The following WWP2 variants were observed in gnomAD, a reference collection of about 807,000 sequenced individuals.
The protein encoded by WWP2 is NEDD4-like E3 ubiquitin-protein ligase WWP2.
WWP2 carries 57 observed loss-of-function variants against 121.0 expected under a neutral mutation model. That is an observed-to-expected ratio of 0.47 (90% CI 0.38 to 0.59). The LOEUF is 0.59. WWP2 is among the 20% of genes least tolerant of loss of function. The pLI is 0.00. For synonymous variants in WWP2, 449 were observed against 441.3 expected (o/e 1.02, Z -0.22); for missense variants, 962 against 1,158.9 (o/e 0.83, Z 2.47).
At position 69,799,880 on chromosome 16, in the gene WWP2, G is replaced by A. The variant is rs943272812; in HGVS notation, c.340+585G>A. On this transcript the variant is annotated intron_variant, in intron 4 of 23. Transcript: ENST00000359154. This position sits in a 1 kb window ranked among gnomAD's most constrained non-coding sequence, Gnocchi z 4.5. The stretch of plus-strand genomic sequence containing the variant: ...ACATATAAATCCTCATCTATTTATT[G>A]CTGTTTGTGGTCAGTGGCATGGCCC... Among the ~76,000 whole-genome samples, 11 of 152,140 alleles carry A rather than the reference G, an allele frequency of 7.2e-5. No homozygotes were observed. Among genetic ancestry groups the A allele is most frequent in the Non-Finnish European group, 1.6e-4 (11 of 68,026 alleles).
At chr16:69,776,519 G>C (rs1298589694) in intron 1 of WWP2, among the ~76,000 whole-genome samples, 1 of 152,170 alleles carries the variant, frequency 6.6e-6, no homozygotes, top group African/African-American at 2.4e-5. Context: ...ACCTAGATGT[G>C]GGAAGTTTCT....
intron 8 of WWP2, among the ~76,000 whole-genome samples, chr16:69,906,971 T>C (rs1478923143): frequency 6.6e-6 from 1 of 152,234 alleles, no homozygotes; most frequent in African/African-American, 2.4e-5. Context: ...AAAATATTTG[T>C]CAATGACACA....
chr16:69,823,475 G>GTT (rs574763691), intron 4 of WWP2, among the ~76,000 whole-genome samples: 5 of 143,596 alleles, frequency 3.5e-5, no homozygotes, highest in Admixed American at 7.0e-5. Context: ...TTTTTCTTGT[G>GTT]TTTTTTTTTT....
intron 8 of WWP2, among the ~76,000 whole-genome samples, chr16:69,896,727 ATTTTTTT>A (rs377065935): frequency 7.0e-6 from 1 of 143,250 alleles, no homozygotes; most frequent in East Asian, 2.0e-4. Context: ...GCTTGTGTGT[ATTTTTTT>A]TTTTTTTTTA....
In WWP2 at chr16:69,897,952, A is replaced by C. The variant is rs981256320; in HGVS notation, c.914+9703A>C. Among the ~76,000 whole-genome samples, 17 of 152,152 alleles carry C rather than the reference A, an allele frequency of 1.1e-4. 2 individuals are homozygous for C. The highest frequency in any genetic ancestry group is 3.9e-4 in the East Asian group (2 of 5,184). ...AAACAAAACAAAAAAAACACAATGA[A>C]ACAATGGCTGCAGTAAAGTTTTCCT... On this transcript the variant is annotated intron_variant, in intron 8 of 23. Coordinates refer to ENST00000359154, the MANE Select transcript of WWP2 (RefSeq NM_001270454.2).
At chr16:69,892,117 A>G (rs577762983) in intron 8 of WWP2, among the ~76,000 whole-genome samples, 5 of 152,344 alleles carry the variant, frequency 3.3e-5, no homozygotes, top group African/African-American at 9.6e-5. Context: ...AGCCTGGCAC[A>G]TAGTGGGACT....
chr16:69,866,780 G>A (rs2057532039), intron 6 of WWP2, among the ~76,000 whole-genome samples: 3 of 151,630 alleles, frequency 2.0e-5, no homozygotes. Context: ...TATCTCTCCT[G>A]AGGTCTTGCT....
At chr16:69,903,497 A>G (rs1263117344) in intron 8 of WWP2, among the ~76,000 whole-genome samples, 1 of 152,208 alleles carries the variant, frequency 6.6e-6, no homozygotes. Context: ...GGCCGGGCGC[A>G]GTGGCTCACA....
Position 69,883,814 on chromosome 16 carries a change from T to C in WWP2, c.704-4225T>C, listed in dbSNP as rs147606470. The stretch of plus-strand genomic sequence containing the variant: ...AGGCTCTTGGTTAGGCCTGTGGACA[T>C]GTACAGCCCTGGAGGGAACCTTCCT... On this transcript the variant is annotated intron_variant, in intron 7 of 23. Coordinates refer to ENST00000359154, the MANE Select transcript of WWP2 (RefSeq NM_001270454.2). Among the ~76,000 whole-genome samples the C allele has an allele frequency of 7.7e-3, 1,179 of 152,268 alleles. 16 individuals are homozygous for C. Among genetic ancestry groups the C allele is most frequent in the African/African-American group, 0.027 (1,129 of 41,546 alleles).
intron 7 of WWP2, among the ~76,000 whole-genome samples, chr16:69,886,741 C>A (rs758995885): frequency 6.6e-6 from 1 of 152,068 alleles, no homozygotes; most frequent in Non-Finnish European, 1.5e-5. Flanking sequence ...GCTTGGGTGA[C>A]GGAGCGAGAC....
chr16:69,799,528 TTTATCCTTCC>T lies in WWP2; in HGVS notation c.340+237_340+246del. The T allele has an allele frequency of 2.3e-6, 1 of 437,640 alleles. No individual in the cohort carries two copies. Among genetic ancestry groups the T allele is most frequent in the Non-Finnish European group, 3.9e-6 (1 of 253,574 alleles). 27.1% of individuals were successfully genotyped at this position (437,640 alleles called of 1,614,324 possible). ...AATGTGATGCAGTGGTGTGTTGCCCTTTATCCTTCCTTAGGGACTGGAAACTTTCTGTCTG... is the reference window on the plus strand; with the variant it reads ...AATGTGATGCAGTGGTGTGTTGCCCTTTAGGGACTGGAAACTTTCTGTCTG... On this transcript the variant is annotated intron_variant, in intron 4 of 23. Transcript: ENST00000359154. This position sits in a 1 kb window ranked among gnomAD's most constrained non-coding sequence, Gnocchi z 4.5.
In WWP2 at chr16:69,795,649, G is replaced by GTTTTTTTTTTT. The variant is rs386384998; in HGVS notation, c.71-3017_71-3007dup. On this transcript the variant is annotated intron_variant, in intron 2 of 23. Transcript: ENST00000359154. ...TAGATTGGAAACTTAAAAATAGGAG[G>GTTTTTTTTTTT]TTTTTTTTTTTTTTTTTTTTTTTTT... is the stretch of plus-strand genomic sequence containing the variant. 2.2e-4 allele frequency among the ~76,000 whole-genome samples: 15 copies of GTTTTTTTTTTT among 66,954 alleles called. 3 individuals carry two copies. The highest frequency in any genetic ancestry group is 8.2e-4 in the African/African-American group (13 of 15,918). The allele number at this position is 66,954 out of a possible 152,430, so 43.9% of individuals were successfully genotyped here. A position where few individuals can be genotyped will look rare whatever the true frequency, so the allele number is the denominator to read the frequency against.
At position 69,821,724 on chromosome 16, in the gene WWP2, C is replaced by CTTT. The variant is rs557543615; in HGVS notation, c.341-18386_341-18384dup. ...TTTCTCCCCTTTCTTTTCTTTCTTA[C>CTTT]TTTTTTTTTTTTTTTTTTGTAGAGA... On this transcript the variant is annotated intron_variant, in intron 4 of 23. Coordinates refer to ENST00000359154, the MANE Select transcript of WWP2 (RefSeq NM_001270454.2). Among the ~76,000 whole-genome samples the CTTT allele has an allele frequency of 2.5e-4, 33 of 130,796 alleles. 1 individual carries two copies. Among genetic ancestry groups the CTTT allele is most frequent in the African/African-American group, 7.1e-4 (25 of 35,094 alleles). 85.8% of individuals were successfully genotyped at this position (130,796 alleles called of 152,430 possible).
intron 7 of WWP2, among the ~76,000 whole-genome samples, 169 bp downstream of exon 7, chr16:69,872,100 C>A (rs1331483749): frequency 3.3e-5 from 5 of 152,130 alleles, no homozygotes; most frequent in Non-Finnish European, 7.3e-5. Flanking sequence ...CCATCTTCTT[C>A]TCTCTCTGGC....
intron 7 of WWP2, among the ~76,000 whole-genome samples, chr16:69,883,736 C>T (rs1371675269): frequency 1.3e-5 from 2 of 152,076 alleles, no homozygotes; most frequent in African/African-American, 4.8e-5. Flanking sequence ...GCACCCCACC[C>T]TGCAAAAACT....
chr16:69,823,102 G>A (rs1339519163), intron 4 of WWP2, among the ~76,000 whole-genome samples: 1 of 152,184 alleles, frequency 6.6e-6, no homozygotes, highest in Non-Finnish European at 1.5e-5. Context: ...CTGCACTCCA[G>A]CCTGCGCAAC....
chr16:69,898,177 A>G (rs9934685), intron 8 of WWP2, among the ~76,000 whole-genome samples: 5,639 of 151,446 alleles, frequency 0.037, 294 homozygotes, highest in African/African-American at 0.12. Context: ...ACAGGCATCT[A>G]CCACCATGCT....
chr16:69,882,009 G>A (rs1440891242), intron 7 of WWP2, among the ~76,000 whole-genome samples: 1 of 145,440 alleles, frequency 6.9e-6, no homozygotes, highest in Admixed American at 7.1e-5. Context: ...TTGTATAGAT[G>A]GGGTTTTGCC....
intron 9 of WWP2, among the ~76,000 whole-genome samples, chr16:69,913,682 A>G (rs980354659): frequency 6.6e-6 from 1 of 152,076 alleles, no homozygotes; most frequent in Non-Finnish European, 1.5e-5. Flanking sequence ...TGCAACAAGA[A>G]CAGGAGGCCA....
Sources: gnomAD v4.1 joint callset for allele counts (sites outside exome capture counted in the v4.1 genomes callset) on GRCh38, gnomAD v4.1.1 for gene constraint, Gnocchi (gnomAD v3.1) non-coding constraint, MANE v1.5 for transcripts, NCBI Gene and HGNC (gene_info 2026-07-23, HGNC 2026-07-21) for gene names.